Variants in DACH2 observed in about 807,000 individuals in gnomAD.
DACH2 encodes the protein dachshund family transcription factor 2, also known as dachshund homolog 2.
A neutral mutation model predicts 35.8 loss-of-function variants in DACH2; 17 were observed. The observed-to-expected ratio is 0.48, with a 90% CI of 0.33 to 0.71. The LOEUF is 0.71. Among genes scored for constraint, DACH2 ranks in the 30% least tolerant of loss-of-function variants. The pLI, the probability that DACH2 is intolerant of heterozygous loss-of-function variation, is 0.02. For missense variants in DACH2, 469 were observed against 472.7 expected, an observed-to-expected ratio of 0.99 and a Z score of 0.07; for synonymous variants, 195 against 177.3, an observed-to-expected ratio of 1.10 and a Z score of -0.79.
chrX:86,419,344 G>T (rs777391670), intron 2 of DACH2, among the ~76,000 whole-genome samples: 1 of 112,201 alleles, frequency 8.9e-6, no homozygotes, highest in Non-Finnish European at 1.9e-5. Context: ...AAAGAAAGAG[G>T]TTTATTGGAC....
At chrX:86,656,855 G>GTA (rs1216926312) in intron 4 of DACH2, among the ~76,000 whole-genome samples, 11 of 62,025 alleles carry the variant, frequency 1.8e-4, no homozygotes, top group African/African-American at 7.8e-4. Flanking sequence ...ATGTGTGTGT[G>GTA]TGTATATATA....
intron 3 of DACH2, among the ~76,000 whole-genome samples, chrX:86,641,238 C>T (rs1183554507): frequency 8.9e-6 from 1 of 111,936 alleles, no homozygotes; most frequent in Non-Finnish European, 1.9e-5. Context: ...AAGGACAAAA[C>T]AGTCAGTGTA....
At chrX:86,701,282 G>A (rs1169862737) in intron 5 of DACH2, among the ~76,000 whole-genome samples, 1 of 111,586 alleles carries the variant, frequency 9.0e-6, no homozygotes, top group Non-Finnish European at 1.9e-5. Context: ...CTCAATAGAT[G>A]CACAAAAGGC....
chrX:86,613,864 C>T (rs1240342183), intron 3 of DACH2, among the ~76,000 whole-genome samples: 1 of 111,704 alleles, frequency 9.0e-6, no homozygotes, highest in East Asian at 2.8e-4. Context: ...TACTTAAGAT[C>T]TAATTTATAA....
At chrX:86,616,357 C>T (rs765968859) in intron 3 of DACH2, among the ~76,000 whole-genome samples, 7 of 111,680 alleles carry the variant, frequency 6.3e-5, no homozygotes, top group Non-Finnish European at 9.4e-5. Flanking sequence ...CATTGTTTTC[C>T]GTAATGATTT....
chrX:86,258,523 A>T (rs915503011), intron 1 of DACH2, among the ~76,000 whole-genome samples: 7 of 111,476 alleles, frequency 6.3e-5, no homozygotes, highest in African/African-American at 2.0e-4. Context: ...TACAATCAAG[A>T]TTATTATCTA....
chrX:86,787,341 C>A (rs1029670318), intron 7 of DACH2, among the ~76,000 whole-genome samples: 53 of 111,452 alleles, frequency 4.8e-4, no homozygotes, highest in South Asian at 1.5e-3. Flanking sequence ...ACAGCACATC[C>A]AGGGGTGGTG....
chrX:86,722,293 G>T, intron 6 of DACH2, among the ~76,000 whole-genome samples: 1 of 111,429 alleles, frequency 9.0e-6, no homozygotes, highest in South Asian at 3.8e-4. Context: ...GTGTTGAGAT[G>T]ATTATATGAT....
At chrX:86,562,249 T>C (rs996177079) in intron 3 of DACH2, among the ~76,000 whole-genome samples, 1 of 111,222 alleles carries the variant, frequency 9.0e-6, no homozygotes, top group Non-Finnish European at 1.9e-5. Context: ...TTGTTTTGTT[T>C]TGTTTTTTGC....
chrX:86,663,006 T>A (rs975802331), intron 4 of DACH2, among the ~76,000 whole-genome samples: 1 of 111,490 alleles, frequency 9.0e-6, no homozygotes. Context: ...AATTGTACTA[T>A]AAATAATAAA....
At chrX:86,592,399 A>G (rs1470829856) in intron 3 of DACH2, among the ~76,000 whole-genome samples, 1 of 111,649 alleles carries the variant, frequency 9.0e-6, no homozygotes, top group Non-Finnish European at 1.9e-5. Context: ...GTTACCCACT[A>G]TTACCACACT....
intron 3 of DACH2, among the ~76,000 whole-genome samples, chrX:86,650,447 G>A (rs897578182): frequency 9.9e-5 from 11 of 110,795 alleles, no homozygotes; most frequent in African/African-American, 3.6e-4. Flanking sequence ...TGCCAGCAAG[G>A]ATATGCACTA....
At chrX:86,315,897 C>T (rs1488599026) in intron 1 of DACH2, among the ~76,000 whole-genome samples, 1 of 109,086 alleles carries the variant, frequency 9.2e-6, no homozygotes. Flanking sequence ...AAGAACCGCT[C>T]TCTGTCATAG....
At position 86,654,635 on chromosome X, in the gene DACH2, A is replaced by C. The variant is rs191229330; in HGVS notation, c.772+3468A>C. ...TAGATAAGAATAAAATTAACACTAA[A>C]CAATAATAATAGCAACAGCAAGAAT... On this transcript the variant is annotated intron_variant, in intron 4 of 11. Coordinates refer to ENST00000373125, the MANE Select transcript of DACH2 (RefSeq NM_053281.3). Among the ~76,000 whole-genome samples, 188 of 111,341 alleles carry C rather than the reference A, an allele frequency of 1.7e-3. 1 individual carries two copies. Among genetic ancestry groups the C allele is most frequent in the African/African-American group, 5.8e-3 (178 of 30,683 alleles).
At chrX:86,827,664 A>G (rs2042574788) in intron 11 of DACH2, 4 of 673,282 alleles carry the variant, frequency 5.9e-6, no homozygotes, top group Non-Finnish European at 9.4e-6. Flanking sequence ...GCGAAATACT[A>G]TAAAGTGAGT....
At chrX:86,530,489 CTCTCTCTCTT>C (rs1019694582) in intron 3 of DACH2, among the ~76,000 whole-genome samples, 6 of 111,027 alleles carry the variant, frequency 5.4e-5, no homozygotes, top group East Asian at 2.9e-4. Context: ...TACTTCCTTT[CTCTCTCTCTT>C]TCTCTCTCTT....
At position 86,375,804 on chromosome X, in the gene DACH2, C is replaced by G. The variant is rs189371581; in HGVS notation, c.489-1020C>G. Among the ~76,000 whole-genome samples the G allele has an allele frequency of 5.8e-4, 63 of 109,172 alleles. No homozygotes were observed. In the East Asian group the frequency reaches 0.015, roughly 27 times the overall value. The allele number at this position is 109,172 out of a possible 115,157, so 94.8% of individuals were successfully genotyped here. A position where few individuals can be genotyped will look rare whatever the true frequency, so the allele number is the denominator to read the frequency against. Reference sequence around the variant, plus strand: ...GAAACAGTTGCTTTTCAAAAGCAAACAAAACAAAACAAAACAGATGATATT... The same window carrying G: ...GAAACAGTTGCTTTTCAAAAGCAAAGAAAACAAAACAAAACAGATGATATT... On this transcript the variant is annotated intron_variant, in intron 1 of 11. Coordinates refer to ENST00000373125, the MANE Select transcript of DACH2 (RefSeq NM_053281.3).
In DACH2 at chrX:86,203,656, A is replaced by G. The variant is rs548539674; in HGVS notation, c.488+54548A>G. ...TATAAAATTCAGCTATAAAAATAACATTTTTTGTTGTAACAGCATGGGTGA... is the reference window on the plus strand; with the variant it reads ...TATAAAATTCAGCTATAAAAATAACGTTTTTTGTTGTAACAGCATGGGTGA... On this transcript the variant is annotated intron_variant, in intron 1 of 11. Coordinates refer to ENST00000373125, the MANE Select transcript of DACH2 (RefSeq NM_053281.3). 4.0e-4 allele frequency among the ~76,000 whole-genome samples: 45 copies of G among 111,758 alleles called. 1 individual carries two copies. In the South Asian group the frequency reaches 0.016, roughly 40 times the overall value.
chrX:86,270,947 T>C (rs1038681666), intron 1 of DACH2, among the ~76,000 whole-genome samples: 2 of 112,057 alleles, frequency 1.8e-5, no homozygotes, highest in African/African-American at 6.5e-5. Context: ...GATAAACATC[T>C]GTAATATCTT....
Sources: allele counts gnomAD v4.1 joint callset (sites outside exome capture counted in the v4.1 genomes callset), GRCh38; gene constraint gnomAD v4.1.1; transcripts MANE v1.5; gene names NCBI Gene and HGNC (gene_info 2026-07-23, HGNC 2026-07-21).